Variants in LEKR1 observed in about 807,000 individuals in gnomAD.
LEKR1 encodes the protein leucine, glutamate and lysine rich 1, also known as protein LEKR1.
In LEKR1, 59 loss-of-function variants were observed where a neutral mutation model predicts 72.4. The ratio of observed to expected loss-of-function variants is 0.82; its 90% CI spans 0.66 to 1.01. The LOEUF (loss-of-function observed/expected upper bound fraction) is 1.01, where lower values mean the gene tolerates loss of function less well. LEKR1 is among the 50% of genes least tolerant of loss of function. The pLI, the probability that LEKR1 is intolerant of heterozygous loss-of-function variation, is 0.00. For synonymous variants in LEKR1, 257 were observed against 263.2 expected, an observed-to-expected ratio of 0.98 and a Z score of 0.23; for missense variants, 728 against 759.2, an observed-to-expected ratio of 0.96 and a Z score of 0.48.
intron 3 of LEKR1, among the ~76,000 whole-genome samples, chr3:156,911,223 A>AT (rs563763803): frequency 5.5e-5 from 4 of 72,882 alleles, no homozygotes; most frequent in East Asian, 2.9e-4. Flanking sequence ...TTTGAGAAAT[A>AT]TTTTTTCTCA....
At position 156,993,102 on chromosome 3, in the gene LEKR1, G is replaced by T; in HGVS notation, c.934G>T (p.Asp312Tyr). The T allele has an allele frequency of 6.2e-7, 1 of 1,603,512 alleles. No individual in the cohort carries two copies. The highest frequency in any genetic ancestry group is 1.3e-5 in the African/African-American group (1 of 74,176). ...TACTATGCTGCTTAAGGAAAAAGAA[G>T]ACTCTTTAATGACTTGTCAACAGAT... ...QHTMLLKEKEDSLMTCQQIYK... is the reference protein window; with the variant it reads ...QHTMLLKEKEYSLMTCQQIYK... Residue 312 changes from aspartate to tyrosine, a missense_variant, in exon 9 of 13, where the codon GAC becomes TAC. Physicochemically the swap from Asp to Tyr is radical, Grantham distance 160 (BLOSUM62 -3). Transcript: ENST00000356539.
chr3:156,828,520 A>AG (rs1303026547), intron 1 of LEKR1, among the ~76,000 whole-genome samples: 1 of 152,018 alleles, frequency 6.6e-6, no homozygotes, highest in Non-Finnish European at 1.5e-5. Flanking sequence ...CTCTGCTGCC[A>AG]CTGCCCTCGC....
At chr3:156,861,485 T>C (rs907035659) in intron 3 of LEKR1, among the ~76,000 whole-genome samples, 28 of 152,242 alleles carry the variant, frequency 1.8e-4, no homozygotes, top group Non-Finnish European at 1.8e-4. Context: ...CTCTGGGGCC[T>C]TTTCAATCCC....
chr3:156,899,100 C>T (rs1721504896), intron 3 of LEKR1, among the ~76,000 whole-genome samples: 1 of 151,698 alleles, frequency 6.6e-6, no homozygotes, highest in Non-Finnish European at 1.5e-5. Flanking sequence ...CTAATTTATT[C>T]CTCAACTAAG....
chr3:156,961,842 A>G (rs547637657), intron 6 of LEKR1, among the ~76,000 whole-genome samples: 1 of 152,348 alleles, frequency 6.6e-6, no homozygotes, highest in African/African-American at 2.4e-5. Flanking sequence ...AATAGGCAAG[A>G]TAAAATGTAA....
intron 3 of LEKR1, among the ~76,000 whole-genome samples, chr3:156,891,850 C>G (rs970554983): frequency 1.3e-5 from 2 of 151,958 alleles, no homozygotes; most frequent in Non-Finnish European, 1.5e-5. Flanking sequence ...ATAAATTGTC[C>G]CAACAGATGG....
chr3:156,912,632 C>A (rs1219559920), intron 3 of LEKR1, among the ~76,000 whole-genome samples: 1 of 152,196 alleles, frequency 6.6e-6, no homozygotes, highest in Non-Finnish European at 1.5e-5. Flanking sequence ...GGGAGTTCAT[C>A]CCCACTCGAG....
intron 11 of LEKR1, among the ~76,000 whole-genome samples, chr3:157,026,663 G>C (rs1429761955): frequency 6.6e-6 from 1 of 152,128 alleles, no homozygotes; most frequent in Non-Finnish European, 1.5e-5. Context: ...ACAAATTTTG[G>C]ATACATAACT....
chr3:157,017,936 G>A (rs992007832), intron 10 of LEKR1, among the ~76,000 whole-genome samples: 4 of 110,142 alleles, frequency 3.6e-5, no homozygotes, highest in East Asian at 2.5e-4. Flanking sequence ...GCCACAGAGC[G>A]AGACTCTGTC....
chr3:156,921,836 G>A (rs1412073215), intron 4 of LEKR1, among the ~76,000 whole-genome samples: 1 of 152,152 alleles, frequency 6.6e-6, no homozygotes, highest in Non-Finnish European at 1.5e-5. Flanking sequence ...TTATGGGACT[G>A]ATACACTTGA....
At chr3:156,883,009 G>T (rs924134411) in intron 3 of LEKR1, among the ~76,000 whole-genome samples, 10 of 150,076 alleles carry the variant, frequency 6.7e-5, no homozygotes, top group African/African-American at 2.5e-4. Context: ...TTGTGGGTTG[G>T]GGGGAGGGGG....
chr3:156,935,008 C>G (rs1725567538), intron 5 of LEKR1, among the ~76,000 whole-genome samples: 1 of 151,994 alleles, frequency 6.6e-6, no homozygotes, highest in Non-Finnish European at 1.5e-5. Flanking sequence ...AGGATTTTAT[C>G]CTGTTTTTTT....
chr3:156,936,218 G>A (rs989615122), intron 5 of LEKR1, among the ~76,000 whole-genome samples: 1 of 152,042 alleles, frequency 6.6e-6, no homozygotes, highest in Non-Finnish European at 1.5e-5. Context: ...CCCTTTTACA[G>A]ACTGACCACC....
intron 1 of LEKR1, chr3:156,826,822 C>G (rs1477509312): frequency 1.3e-5 from 2 of 155,452 alleles, no homozygotes; most frequent in Middle Eastern, 5.1e-4. Flanking sequence ...CTGACCTGCT[C>G]GTTGTGGGTG....
intron 3 of LEKR1, among the ~76,000 whole-genome samples, chr3:156,909,919 T>C (rs571074124): frequency 1.1e-4 from 16 of 152,148 alleles, no homozygotes; most frequent in Non-Finnish European, 7.4e-5. Context: ...TATGTTATCA[T>C]TTTAAAAAGC....
At chr3:156,854,517 G>A (rs1715800719) in intron 3 of LEKR1, among the ~76,000 whole-genome samples, 1 of 150,598 alleles carries the variant, frequency 6.6e-6, no homozygotes, top group Non-Finnish European at 1.5e-5. Context: ...TATTACAAAT[G>A]TATTTTCTTT....
intron 4 of LEKR1, among the ~76,000 whole-genome samples, chr3:156,924,288 C>A (rs1724501808): frequency 6.6e-6 from 1 of 152,102 alleles, no homozygotes; most frequent in African/African-American, 2.4e-5. Flanking sequence ...AGTGAAACAT[C>A]TCAAATATTT....
chr3:156,982,892 T>C lies in LEKR1; in HGVS notation c.827+3617T>C, dbSNP rs1387958592. ...ATAGATAGATAGATAGATAGATAGA[T>C]AGATAGATAGATAGATGGAAGAGCT... On this transcript the variant is annotated intron_variant, in intron 7 of 12. Coordinates refer to ENST00000356539, the MANE Select transcript of LEKR1 (RefSeq NM_001004316.3). Among the ~76,000 whole-genome samples the C allele has an allele frequency of 4.6e-5, 7 of 151,348 alleles. No homozygotes were observed. The East Asian group carries it at 1.4e-3, about 29-fold the overall frequency.
chr3:156,845,553 A>G (rs1248593217), intron 2 of LEKR1, among the ~76,000 whole-genome samples: 1 of 151,696 alleles, frequency 6.6e-6, no homozygotes, highest in Non-Finnish European at 1.5e-5. Flanking sequence ...AAAAAAATGT[A>G]TGGATATCCA....
Sources: allele counts gnomAD v4.1 joint callset (sites outside exome capture counted in the v4.1 genomes callset), GRCh38; gene constraint gnomAD v4.1.1; transcripts MANE v1.5; gene names NCBI Gene and HGNC (gene_info 2026-07-23, HGNC 2026-07-21).